Variants in LONRF1 observed in about 807,000 individuals in gnomAD.
LONRF1 encodes the protein LON peptidase N-terminal domain and ring finger 1.
LONRF1 carries 37 observed loss-of-function variants against 85.8 expected under a neutral mutation model. The observed-to-expected ratio is 0.43, with a 90% CI of 0.33 to 0.57. The LOEUF (loss-of-function observed/expected upper bound fraction) is 0.57. LONRF1 is among the 20% of genes least tolerant of loss of function. The pLI is 0.04. For synonymous variants in LONRF1, 517 were observed against 390.1 expected, an observed-to-expected ratio of 1.33 and a Z score of -3.83; for missense variants, 1,036 against 978.0, an observed-to-expected ratio of 1.06 and a Z score of -0.79.
chr8:12,732,314 G>C (rs1042589513), intron 7 of LONRF1, among the ~76,000 whole-genome samples: 1 of 152,190 alleles, frequency 6.6e-6, no homozygotes, highest in Non-Finnish European at 1.5e-5. Context: ...ACAGTCTCTA[G>C]ATAAATTTTC....
intron 7 of LONRF1, among the ~76,000 whole-genome samples, chr8:12,733,238 T>C (rs1387791102): frequency 1.3e-5 from 2 of 152,144 alleles, no homozygotes; most frequent in Non-Finnish European, 2.9e-5. Flanking sequence ...TAAAAGCAAT[T>C]CCATTATCAT....
At chr8:12,728,784 G>T in intron 10 of LONRF1, 117 bp downstream of exon 10, 2 of 1,120,230 alleles carry the variant, frequency 1.8e-6, no homozygotes, top group Non-Finnish European at 2.6e-6. Context: ...TCTCATCACA[G>T]TGGTAAGGCT....
chr8:12,730,698 TATC>T (rs1203253663), intron 8 of LONRF1, among the ~76,000 whole-genome samples: 1 of 152,252 alleles, frequency 6.6e-6, no homozygotes, highest in Non-Finnish European at 1.5e-5. Context: ...ATAATTGTCA[TATC>T]ATTTTATAAA....
intron 4 of LONRF1, among the ~76,000 whole-genome samples, chr8:12,737,575 G>A (rs1311820962): frequency 6.6e-6 from 1 of 152,030 alleles, no homozygotes; most frequent in East Asian, 1.9e-4. Flanking sequence ...AGGGACTTGA[G>A]CATCCTTGGA....
At chr8:12,740,263 A>G (rs971655951) in intron 3 of LONRF1, among the ~76,000 whole-genome samples, 2 of 152,196 alleles carry the variant, frequency 1.3e-5, no homozygotes, top group Non-Finnish European at 2.9e-5. Flanking sequence ...GCAAGAGCTG[A>G]GTGCTATTTT....
At chr8:12,740,801 T>G (rs1798903265) in intron 3 of LONRF1, 73 bp downstream of exon 3, 1 of 1,540,590 alleles carries the variant, frequency 6.5e-7, no homozygotes, top group African/African-American at 1.4e-5. Flanking sequence ...TTCCAACTTT[T>G]ATTAGCTTTT....
At chr8:12,739,753 T>G (rs574134392) in intron 3 of LONRF1, among the ~76,000 whole-genome samples, 39 of 152,206 alleles carry the variant, frequency 2.6e-4, no homozygotes, top group Non-Finnish European at 5.1e-4. Context: ...TCTGGCAGCA[T>G]GCAAAATGCA....
Position 12,741,011 on chromosome 8 carries a change from G to A in LONRF1, c.841-15C>T, listed in dbSNP as rs760421347. 5 of 1,609,878 alleles carry A rather than the reference G, an allele frequency of 3.1e-6. No individual in the cohort carries two copies. The highest frequency in any genetic ancestry group is 2.2e-5 in the South Asian group (2 of 90,824). The stretch of plus-strand genomic sequence containing the variant: ...CTGAAGTAGACCTTTAATAAAAGCA[G>A]ATATATAAAACCTTTGTGTTAAGAA... On this transcript the variant is annotated splice_polypyrimidine_tract_variant and intron_variant, in intron 2 of 11. Coordinates refer to ENST00000398246, the MANE Select transcript of LONRF1 (RefSeq NM_152271.5).
chr8:12,729,161 A>T lies in LONRF1; in HGVS notation c.1847+13T>A. 6.2e-7 allele frequency: 1 copy of T among 1,613,702 alleles called. No individual in the cohort carries two copies. Among genetic ancestry groups the T allele is most frequent in the South Asian group, 1.1e-5 (1 of 91,048 alleles). ...AACATAAATACAAATATTTAGGTTCACAAAAAGCATACCTATTTTGTGTAT... is the reference window on the plus strand; with the variant it reads ...AACATAAATACAAATATTTAGGTTCTCAAAAAGCATACCTATTTTGTGTAT... On this transcript the variant is annotated intron_variant, in intron 9 of 11. Transcript: ENST00000398246.
rs756282730 is a variant in LONRF1 at position 12,737,027 on chromosome 8, T to C, written c.1227A>G (p.Lys409=). 1.2e-6 allele frequency: 2 copies of C among 1,613,692 alleles called. No homozygotes were observed. Among genetic ancestry groups the C allele is most frequent in the Non-Finnish European group, 1.7e-6 (2 of 1,179,724 alleles). The change falls in exon 5 of 12, where the codon AAA becomes AAG. Residue 409 remains lysine, a synonymous_variant. Coordinates refer to ENST00000398246, the MANE Select transcript of LONRF1 (RefSeq NM_152271.5). Reference sequence around the variant, plus strand: ...ACAGAACAGGTTCTGAGGACACTCTTTTTAAACAGTCCTCTCTGGCAGGCA... The same window carrying C: ...ACAGAACAGGTTCTGAGGACACTCTCTTTAAACAGTCCTCTCTGGCAGGCA... ...TEMPAREDCL[K]RVSSEPVLSV...
intron 3 of LONRF1, 117 bp downstream of exon 3, chr8:12,740,757 C>A (rs906483804): frequency 3.9e-6 from 5 of 1,272,398 alleles, no homozygotes; most frequent in Admixed American, 4.6e-5. Flanking sequence ...CACATTTGTT[C>A]CTAAGTTAGA....
At chr8:12,724,572 T>C (rs988075968) in intron 11 of LONRF1, among the ~76,000 whole-genome samples, 2 of 152,192 alleles carry the variant, frequency 1.3e-5, no homozygotes, top group African/African-American at 4.8e-5. Flanking sequence ...TGGTTGCTTT[T>C]GCTTTCCTGC....
At chr8:12,742,511 A>T (rs1178206289) in intron 2 of LONRF1, among the ~76,000 whole-genome samples, 1 of 152,194 alleles carries the variant, frequency 6.6e-6, no homozygotes, top group African/African-American at 2.4e-5. Context: ...TACCTCAAAA[A>T]GTTTCCAACT....
intron 1 of LONRF1, among the ~76,000 whole-genome samples, chr8:12,750,199 TG>T (rs375730747): frequency 6.0e-4 from 91 of 152,240 alleles, no homozygotes; most frequent in African/African-American, 2.1e-3. Flanking sequence ...AGTTTGTGTA[TG>T]GATCAATTAC....
intron 8 of LONRF1, among the ~76,000 whole-genome samples, chr8:12,731,034 C>G (rs550139190): frequency 6.6e-6 from 1 of 151,896 alleles, no homozygotes; most frequent in African/African-American, 2.4e-5. Context: ...TAAAGAGACC[C>G]AAGTGACTGC....
In LONRF1 at chr8:12,737,999, T is replaced by G; in HGVS notation, c.1109A>C (p.Lys370Thr). The G allele has an allele frequency of 6.2e-7, 1 of 1,603,330 alleles. No individual in the cohort carries two copies. Among genetic ancestry groups the G allele is most frequent in the Non-Finnish European group, 8.5e-7 (1 of 1,176,488 alleles). Residue 370 changes from lysine to threonine, a missense_variant, in exon 4 of 12, where the codon AAG (lysine) becomes ACG (threonine). Physicochemically the swap from Lys to Thr is moderately conservative, Grantham distance 78. Around this residue, in one of 3 missense-constraint regions of LONRF1, gnomAD observed 742 missense variants for 614.4 expected, o/e 1.21. Transcript: ENST00000398246. ...ESQSLNEPSP[K>T]QSEEIPEVTS... ...TAACCTTGTCTCACCCCGTACCTGC[T>G]TTGGGCTAGGTTCATTGAGAGACTG...
At chr8:12,735,500 G>A in intron 6 of LONRF1, 100 bp from the exon 7 acceptor site, 1 of 747,666 alleles carries the variant, frequency 1.3e-6, no homozygotes, top group Non-Finnish European at 2.3e-6. Flanking sequence ...TTTAAAGGAG[G>A]AAGAAGGAGG....
At chr8:12,739,531 T>C (rs1422443766) in intron 3 of LONRF1, among the ~76,000 whole-genome samples, 1 of 151,858 alleles carries the variant, frequency 6.6e-6, no homozygotes, top group Non-Finnish European at 1.5e-5. Flanking sequence ...GATGGAAATA[T>C]TCTCTGTTTT....
chr8:12,754,750 T>A lies in LONRF1; in HGVS notation c.671A>T (p.Gln224Leu). 1 of 1,447,064 alleles carries A rather than the reference T, an allele frequency of 6.9e-7. No individual in the cohort carries two copies. The highest frequency in any genetic ancestry group is 9.0e-7 in the Non-Finnish European group (1 of 1,108,428). 89.6% of individuals were successfully genotyped at this position (1,447,064 alleles called of 1,614,324 possible). A position where few individuals can be genotyped will look rare whatever the true frequency, so the allele number is the denominator to read the frequency against. The change falls in exon 1 of 12, where the codon CAG becomes CTG. Residue 224 changes from glutamine (Q) to leucine (L), a missense_variant. Around this residue, in one of 3 missense-constraint regions of LONRF1, gnomAD observed 742 missense variants for 614.4 expected, o/e 1.21. Coordinates refer to ENST00000398246, the MANE Select transcript of LONRF1 (RefSeq NM_152271.5). ...AAGRLGELLH[Q>L]GRYREALAAA... ...GGCCAGGGCCTCCCGGTAGCGCCCC[T>A]GGTGCAGTAGCTCCCCGAGCCTGCC...
Sources: gnomAD v4.1 joint callset for allele counts (sites outside exome capture counted in the v4.1 genomes callset) on GRCh38, gnomAD v4.1.1 for gene constraint, gnomAD v4.1.1 regional missense constraint, MANE v1.5 for transcripts, NCBI Gene and HGNC (gene_info 2026-07-23, HGNC 2026-07-21) for gene names.